IGF1R: variants seen among roughly 807,000 people sequenced by gnomAD.
IGF1R encodes the protein insulin like growth factor 1 receptor.
IGF1R carries 44 observed loss-of-function variants against 144.6 expected under a neutral mutation model. The ratio of observed to expected loss-of-function variants is 0.30; its 90% CI spans 0.24 to 0.39. The LOEUF (loss-of-function observed/expected upper bound fraction) is 0.39, where lower values mean the gene tolerates loss of function less well. IGF1R is among the 10% of genes least tolerant of loss of function. The probability of loss-of-function intolerance (pLI) is 1.00; values close to 1 mark genes in which losing one functional copy is unlikely to be tolerated. For synonymous variants in IGF1R, 795 were observed against 722.8 expected, an observed-to-expected ratio of 1.10 and a Z score of -1.60; for missense variants, 1,355 against 1,833.7, an observed-to-expected ratio of 0.74 and a Z score of 4.77.
rs147197462 is a variant in IGF1R, at chr15:98,899,385, G to A, written c.1103-92G>A. On this transcript the variant is annotated intron_variant, in intron 4 of 20. Coordinates refer to ENST00000650285, the MANE Select transcript of IGF1R (RefSeq NM_000875.5). ...GGGAGCATCTCAGGGGGCACCTGCC[G>A]TTGAATTGTTCTCACTTGTGTTTGT... 6.4e-5 allele frequency: 86 copies of A among 1,353,934 alleles called. No individual in the cohort carries two copies. In the Admixed American group the frequency reaches 8.3e-4, roughly 13 times the overall value. 83.9% of individuals were successfully genotyped at this position (1,353,934 alleles called of 1,614,324 possible). A position where few individuals can be genotyped will look rare whatever the true frequency, so the allele number is the denominator to read the frequency against.
At chr15:98,650,855 G>A (rs1437756784) in intron 1 of IGF1R, 1 of 968,036 alleles carries the variant, frequency 1.0e-6, no homozygotes, top group African/African-American at 1.8e-5. Context: ...TTTGCAATCT[G>A]ATAGCTTTTG....
intron 5 of IGF1R, among the ~76,000 whole-genome samples, chr15:98,901,419 C>T (rs1189319632): frequency 6.6e-6 from 1 of 152,214 alleles, no homozygotes; most frequent in Non-Finnish European, 1.5e-5. Flanking sequence ...ACCCTGTCTT[C>T]CTGGCCCATG....
intron 10 of IGF1R, among the ~76,000 whole-genome samples, chr15:98,919,556 A>G (rs2015400928): frequency 6.6e-6 from 1 of 152,194 alleles, no homozygotes; most frequent in African/African-American, 2.4e-5. Flanking sequence ...TTGACATGTT[A>G]TTAATGCACA....
At chr15:98,774,853 T>C (rs926026997) in intron 2 of IGF1R, among the ~76,000 whole-genome samples, 1 of 152,216 alleles carries the variant, frequency 6.6e-6, no homozygotes, top group Non-Finnish European at 1.5e-5. Context: ...CATTTTGTTA[T>C]GGATATTTTC....
intron 2 of IGF1R, among the ~76,000 whole-genome samples, chr15:98,827,703 C>T (rs1184989387): frequency 2.0e-5 from 3 of 152,158 alleles, no homozygotes; most frequent in Non-Finnish European, 4.4e-5. Flanking sequence ...CTGCCTCAGC[C>T]TCCTGAGTAG....
rs763246163 is a variant in IGF1R, at chr15:98,942,963, C to T, written c.3498C>T (p.Tyr1166=). Residue 1166 remains tyrosine, a synonymous_variant, in exon 19 of 21, where the codon TAC becomes TAT. Transcript: ENST00000650285. ...MTRDIYETDY[Y]RKGGKGLLPV... is the part of the protein sequence containing the mutation. ...GAGATATCTATGAGACAGACTATTACCGGAAAGGAGGGAAAGGGCTGCTGC... is the reference window on the plus strand; with the variant it reads ...GAGATATCTATGAGACAGACTATTATCGGAAAGGAGGGAAAGGGCTGCTGC... 6.2e-7 allele frequency: 1 copy of T among 1,614,144 alleles called. No individual in the cohort carries two copies.
intron 2 of IGF1R, among the ~76,000 whole-genome samples, chr15:98,826,403 A>G (rs1490727735): frequency 6.6e-6 from 1 of 152,230 alleles, no homozygotes; most frequent in African/African-American, 2.4e-5. Context: ...AAAGTGATTT[A>G]CTGTCCTATA....
At chr15:98,893,453 C>G (rs2014027736) in intron 3 of IGF1R, 1 of 152,172 alleles carries the variant, frequency 6.6e-6, no homozygotes, top group South Asian at 2.1e-4. Flanking sequence ...ATCAGTCTAC[C>G]ACATTGTACT....
intron 2 of IGF1R, among the ~76,000 whole-genome samples, chr15:98,879,498 G>A (rs546834126): frequency 6.6e-6 from 1 of 152,306 alleles, no homozygotes; most frequent in East Asian, 1.9e-4. Context: ...TGCTGACTCG[G>A]AGCAGAGGGG....
intron 1 of IGF1R, among the ~76,000 whole-genome samples, chr15:98,672,965 G>T (rs1381653668): frequency 6.6e-6 from 1 of 152,166 alleles, no homozygotes; most frequent in Non-Finnish European, 1.5e-5. Context: ...AGCCTGCATT[G>T]TAAGACTGTC....
intron 2 of IGF1R, among the ~76,000 whole-genome samples, chr15:98,775,267 C>A (rs934057779): frequency 2.0e-5 from 3 of 152,108 alleles, no homozygotes. Flanking sequence ...GTGTCCTGCC[C>A]CATCTCTGTT....
At chr15:98,904,643 GC>G (rs1450627833) in intron 5 of IGF1R, among the ~76,000 whole-genome samples, 1 of 152,194 alleles carries the variant, frequency 6.6e-6, no homozygotes, top group Non-Finnish European at 1.5e-5. Context: ...GCTGATGACA[GC>G]CTGTGTCCTG....
At position 98,843,292 on chromosome 15, in the gene IGF1R, C is replaced by T. The variant is rs150830669; in HGVS notation, c.641-48033C>T. Among the ~76,000 whole-genome samples the T allele has an allele frequency of 1.8e-4, 28 of 152,260 alleles. No homozygotes were observed. The East Asian group carries it at 3.5e-3, about 19-fold the overall frequency. On this transcript the variant is annotated intron_variant, in intron 2 of 20. Transcript: ENST00000650285. ...TTAGTGAAATTCCCACCTAATGCAG[C>T]AGTTTTTTTCTCTTACCTGCATAAT... is the stretch of plus-strand genomic sequence containing the variant.
chr15:98,853,813 G>A (rs1193438081), intron 2 of IGF1R, among the ~76,000 whole-genome samples: 3 of 152,174 alleles, frequency 2.0e-5, no homozygotes, highest in East Asian at 1.9e-4. Context: ...GGAGAAGTGC[G>A]GGGAGTGGAG....
chr15:98,958,445 G>A lies in IGF1R; in HGVS notation c.*1003G>A, dbSNP rs978700572. ...GCCCCCAAGGACACAGATGGGAAGGGGTTTCCAGGGACTCAGCCCCACTGT... is the reference window on the plus strand; with the variant it reads ...GCCCCCAAGGACACAGATGGGAAGGAGTTTCCAGGGACTCAGCCCCACTGT... On this transcript the variant is annotated 3_prime_UTR_variant, in exon 21 of 21. Transcript: ENST00000650285. 5 of 231,072 alleles carry A rather than the reference G, an allele frequency of 2.2e-5. No homozygotes were observed. Among genetic ancestry groups the A allele is most frequent in the Admixed American group, 1.1e-4 (2 of 17,710 alleles). 14.3% of individuals were successfully genotyped at this position (231,072 alleles called of 1,614,324 possible). A position where few individuals can be genotyped will look rare whatever the true frequency, so the allele number is the denominator to read the frequency against.
At position 98,962,768 on chromosome 15, in the gene IGF1R, C is replaced by T. The variant is rs148044985; in HGVS notation, c.*5326C>T. The T allele has an allele frequency of 2.5e-3, 581 of 233,520 alleles. 5 individuals carry two copies. Among genetic ancestry groups the T allele is most frequent in the African/African-American group, 0.012 (534 of 45,470 alleles). 14.5% of individuals were successfully genotyped at this position (233,520 alleles called of 1,614,324 possible). ...GAAGCTATCAGACCACATCGAGGCT[C>T]AGCAGTCATCCGTGGGCATTTGGTT... On this transcript the variant is annotated 3_prime_UTR_variant, in exon 21 of 21. Transcript: ENST00000650285.
In IGF1R at chr15:98,922,161, C is replaced by T. The variant is rs145300307; in HGVS notation, c.2215C>T (p.Arg739Trp). Residue 739 changes from arginine (R) to tryptophan (W), a missense_variant, in exon 11 of 21, where the codon CGG (arginine) becomes TGG (tryptophan). By Grantham distance (101) the Arg-to-Trp change is moderately radical. Around this residue, in one of 7 missense-constraint regions of IGF1R, gnomAD observed 880 missense variants for 1,202.7 expected, o/e 0.73. Transcript: ENST00000650285. Reference sequence around the variant, plus strand: ...TCCTCCTTGCAGACCTGAAAGGAAGCGGAGAGATGTCATGCAAGTGGCCAA... The same window carrying T: ...TCCTCCTTGCAGACCTGAAAGGAAGTGGAGAGATGTCATGCAAGTGGCCAA... ...SIFVPRPERK[R>W]RDVMQVANTT... is the part of the protein sequence containing the mutation. 6 of 1,614,158 alleles carry T rather than the reference C, an allele frequency of 3.7e-6. No homozygotes were observed. Among genetic ancestry groups the T allele is most frequent in the Non-Finnish European group, 5.1e-6 (6 of 1,180,022 alleles).
At chr15:98,858,766 T>A (rs1422673765) in intron 2 of IGF1R, among the ~76,000 whole-genome samples, 4 of 152,220 alleles carry the variant, frequency 2.6e-5, no homozygotes, top group African/African-American at 7.2e-5. Context: ...AATCTCTCAC[T>A]CTGTTTTAGT....
At chr15:98,673,347 G>A (rs143564471) in intron 1 of IGF1R, among the ~76,000 whole-genome samples, 9 of 152,252 alleles carry the variant, frequency 5.9e-5, no homozygotes, top group Admixed American at 2.6e-4. Flanking sequence ...GCGGACTAGC[G>A]GTTGTACAGT....
Sources: gnomAD v4.1 joint callset for allele counts (sites outside exome capture counted in the v4.1 genomes callset) on GRCh38, gnomAD v4.1.1 for gene constraint, gnomAD v4.1.1 regional missense constraint, MANE v1.5 for transcripts, NCBI Gene and HGNC (gene_info 2026-07-23, HGNC 2026-07-21) for gene names.